Variants in ZNF75D observed in about 807,000 individuals in gnomAD.
ZNF75D encodes zinc finger protein 75.
In ZNF75D, 33 loss-of-function variants were observed where a neutral mutation model predicts 33.3. The observed-to-expected ratio is 0.99, with a 90% CI of 0.75 to 1.32. ZNF75D has a LOEUF of 1.32. Ranked by LOEUF, ZNF75D falls within the 40% of genes most tolerant of loss-of-function variation. The pLI, the probability that ZNF75D is intolerant of heterozygous loss-of-function variation, is 0.00. For missense variants in ZNF75D, 338 were observed against 367.5 expected (o/e 0.92, Z 0.66); for synonymous variants, 113 against 130.6 (o/e 0.87, Z 0.92).
intron 1 of ZNF75D, among the ~76,000 whole-genome samples, chrX:135,307,053 C>A (rs2084296409): frequency 2.7e-5 from 3 of 111,352 alleles, no homozygotes; most frequent in African/African-American, 9.8e-5. Context: ...CATTTAACAT[C>A]TATCAATCAA....
intron 1 of ZNF75D, among the ~76,000 whole-genome samples, chrX:135,310,214 T>A (rs782614805): frequency 8.9e-6 from 1 of 112,237 alleles, no homozygotes; most frequent in African/African-American, 3.2e-5. Context: ...TGGAATGCCC[T>A]GATGGCTTTT....
chrX:135,308,063 C>T (rs1177787728), intron 1 of ZNF75D, among the ~76,000 whole-genome samples: 1 of 112,498 alleles, frequency 8.9e-6, no homozygotes, highest in Admixed American at 9.4e-5. Context: ...ATGTAGATGG[C>T]ACCCAGCCAC....
At chrX:135,280,930 T>C (rs1461521693), downstream of ZNF75D, among the ~76,000 whole-genome samples, 1 of 111,921 alleles carries the variant, frequency 8.9e-6, no homozygotes, top group East Asian at 2.8e-4. Context: ...ATTTTTTCCT[T>C]CATTTCAACT....
At chrX:135,288,948 G>A (rs187270247) in intron 6 of ZNF75D, among the ~76,000 whole-genome samples, 8 of 112,195 alleles carry the variant, frequency 7.1e-5, no homozygotes, top group African/African-American at 1.3e-4. Context: ...GTTTTGTTTT[G>A]TTTTTTATAT....
At chrX:135,268,697 A>T (rs2083871498) in intron 1 of ZNF75D, among the ~76,000 whole-genome samples, 1 of 111,078 alleles carries the variant, frequency 9.0e-6, no homozygotes, top group Non-Finnish European at 1.9e-5. Context: ...ATTCAATGCA[A>T]TCCCTATTAA....
At chrX:135,279,930 G>T (rs906405180) in intron 1 of ZNF75D, among the ~76,000 whole-genome samples, 1 of 111,699 alleles carries the variant, frequency 9.0e-6, no homozygotes. Context: ...GAATAAGTGG[G>T]ATGTGGTGTT....
chrX:135,256,570 G>A (rs1470405413), intron 1 of ZNF75D, among the ~76,000 whole-genome samples: 1 of 111,573 alleles, frequency 9.0e-6, no homozygotes, highest in African/African-American at 3.3e-5. Flanking sequence ...AGGACACAAC[G>A]ACTGCAGTTT....
chrX:135,274,416 A>G (rs1264677846), intron 1 of ZNF75D, among the ~76,000 whole-genome samples: 1 of 112,175 alleles, frequency 8.9e-6, no homozygotes, highest in Non-Finnish European at 1.9e-5. Context: ...GGTTTGGCAT[A>G]GAAGGTAATA....
intron 1 of ZNF75D, among the ~76,000 whole-genome samples, chrX:135,270,155 A>G (rs180806534): frequency 1.9e-4 from 21 of 109,090 alleles, no homozygotes; most frequent in African/African-American, 6.0e-4. Context: ...AAAAAAAAAT[A>G]GAAAGCTAAA....
At chrX:135,320,940 G>C (rs929666869) in intron 1 of ZNF75D, among the ~76,000 whole-genome samples, 3 of 111,226 alleles carry the variant, frequency 2.7e-5, no homozygotes, top group African/African-American at 6.5e-5. Flanking sequence ...GCAAGGTTGG[G>C]GGGGGTTATC....
Position 135,287,230 on chromosome X carries a change from G to C in ZNF75D, c.1440C>G (p.Ser480Arg). Residue 480 changes from serine to arginine, a missense_variant, in exon 7 of 7, where the codon AGC becomes AGG. Ser to Arg is a moderately radical substitution (Grantham distance 110). This residue lies in a region of ZNF75D where 79 missense variants were observed against 80.1 expected (regional missense o/e 0.99). Transcript: ENST00000370766. ...GCCTACTAAAGTTTCTCTTGCATAA[G>C]CTACACGTATAAGGCTGCTCACCTG... is the stretch of plus-strand genomic sequence containing the variant. ...THTGEQPYTC[S>R]LCKRNFSRRS... 1 of 1,211,246 alleles carries C rather than the reference G, an allele frequency of 8.3e-7. No homozygotes were observed. Among genetic ancestry groups the C allele is most frequent in the Non-Finnish European group, 1.1e-6 (1 of 895,203 alleles).
chrX:135,322,905 C>T (rs1262854991), intron 1 of ZNF75D, among the ~76,000 whole-genome samples: 15 of 111,825 alleles, frequency 1.3e-4, no homozygotes, highest in Non-Finnish European at 1.9e-5. Flanking sequence ...ATAGGGGGTA[C>T]TTTGTTTAAA....
At chrX:135,262,150 T>G (rs2083845153) in intron 1 of ZNF75D, among the ~76,000 whole-genome samples, 1 of 112,272 alleles carries the variant, frequency 8.9e-6, no homozygotes, top group South Asian at 3.7e-4. Context: ...TAGGGTTTCT[T>G]CCGAGAGATC....
intron 1 of ZNF75D, chrX:135,330,508 T>G (rs951252089): frequency 3.6e-5 from 4 of 111,838 alleles, no homozygotes; most frequent in Admixed American, 9.5e-5. Flanking sequence ...AAGTCCAACA[T>G]GTCCCCCAAC....
intron 1 of ZNF75D, among the ~76,000 whole-genome samples, chrX:135,260,502 T>G (rs782634513): frequency 2.7e-5 from 3 of 111,938 alleles, no homozygotes; most frequent in Non-Finnish European, 3.8e-5. Flanking sequence ...GAGACTCAAC[T>G]TCTTCCTGGT....
chrX:135,273,739 C>T (rs947473807), intron 1 of ZNF75D, among the ~76,000 whole-genome samples: 1 of 111,641 alleles, frequency 9.0e-6, no homozygotes, highest in African/African-American at 3.3e-5. Flanking sequence ...TGGGCAAAGG[C>T]TCTGGGGCAT....
intron 1 of ZNF75D, among the ~76,000 whole-genome samples, chrX:135,273,034 C>T (rs1259993776): frequency 3.6e-5 from 4 of 111,777 alleles, no homozygotes; most frequent in African/African-American, 9.8e-5. Flanking sequence ...TTGTGTGTTC[C>T]GTCCAATTCT....
At chrX:135,336,433 C>A (rs1350553998) in intron 1 of ZNF75D, among the ~76,000 whole-genome samples, 1 of 112,944 alleles carries the variant, frequency 8.9e-6, no homozygotes, top group Admixed American at 9.3e-5. Flanking sequence ...AAATATCTAA[C>A]CATATCTGAG....
At chrX:135,283,514 T>C (rs913345080), downstream of ZNF75D, among the ~76,000 whole-genome samples, 1 of 112,043 alleles carries the variant, frequency 8.9e-6, no homozygotes, top group African/African-American at 3.2e-5. Flanking sequence ...AAGGAGAGCC[T>C]TTAAATTACT....
Sources: allele counts gnomAD v4.1 joint callset (sites outside exome capture counted in the v4.1 genomes callset), GRCh38; gene constraint gnomAD v4.1.1; regional missense constraint gnomAD v4.1.1; transcripts MANE v1.5; gene names NCBI Gene and HGNC (gene_info 2026-07-23, HGNC 2026-07-21).